The following TNRC6A variants were observed in gnomAD, a reference collection of about 807,000 sequenced individuals.
TNRC6A encodes the protein trinucleotide repeat containing adaptor 6A.
Under a neutral mutation model 221.2 loss-of-function variants are expected in TNRC6A, and 44 were observed. That is an observed-to-expected ratio of 0.20 (90% CI 0.16 to 0.26). The LOEUF is 0.26. Among genes scored for constraint, TNRC6A ranks in the 10% least tolerant of loss-of-function variants. The pLI is 1.00. For missense variants in TNRC6A, 2,199 were observed against 2,404.4 expected (o/e 0.91, Z 1.79); for synonymous variants, 847 against 838.5 (o/e 1.01, Z -0.18).
intron 2 of TNRC6A, among the ~76,000 whole-genome samples, chr16:24,716,407 G>A (rs769210519): frequency 6.6e-6 from 1 of 152,094 alleles, no homozygotes; most frequent in Non-Finnish European, 1.5e-5. Flanking sequence ...AGTGGCTCAC[G>A]CCTGGAATCC....
intron 2 of TNRC6A, among the ~76,000 whole-genome samples, chr16:24,657,450 C>T (rs369938403): frequency 1.8e-4 from 27 of 152,162 alleles, no homozygotes; most frequent in African/African-American, 5.3e-4. Flanking sequence ...CGGCTCATGC[C>T]TGTAATCCCA....
rs542077366 is a variant in TNRC6A, at chr16:24,672,201, A to G, written n.402+31192A>G. Among the ~76,000 whole-genome samples the G allele has an allele frequency of 3.3e-4, 50 of 152,196 alleles. No homozygotes were observed. The East Asian group carries it at 9.3e-3, about 28-fold the overall frequency. ...CAGTGGCGTGATCTCGGCTCACTGC[A>G]AGCTCCGCCTCCCGGGTTCACGCCA... On this transcript the variant is annotated intron_variant and non_coding_transcript_variant, in intron 2 of 2. Transcript: ENST00000566108.
chr16:24,634,040 C>A (rs555007472), intron 1 of TNRC6A, among the ~76,000 whole-genome samples: 14 of 152,226 alleles, frequency 9.2e-5, no homozygotes, highest in African/African-American at 3.1e-4. Flanking sequence ...CTTCAGCCCC[C>A]CAAAGTGCTA....
intron 22 of TNRC6A, among the ~76,000 whole-genome samples, 163 bp downstream of exon 22, chr16:24,820,523 C>G (rs1205119912): frequency 6.6e-6 from 1 of 152,228 alleles, no homozygotes; most frequent in Non-Finnish European, 1.5e-5. Context: ...AGGCACACAA[C>G]AGGCTGCAAT....
chr16:24,737,597 G>T (rs2056798603), intron 2 of TNRC6A, among the ~76,000 whole-genome samples: 3 of 152,152 alleles, frequency 2.0e-5, no homozygotes, highest in Admixed American at 1.3e-4. Flanking sequence ...ATTGAAACCT[G>T]GTTGAAGAAT....
chr16:24,813,294 A>C (rs911015674), intron 18 of TNRC6A, among the ~76,000 whole-genome samples: 2 of 152,338 alleles, frequency 1.3e-5, no homozygotes, highest in East Asian at 3.9e-4. Flanking sequence ...CCATTGCCCA[A>C]ATAGTGAACA....
intron 1 of TNRC6A, among the ~76,000 whole-genome samples, chr16:24,626,842 G>T (rs914281385): frequency 3.3e-5 from 5 of 151,314 alleles, no homozygotes; most frequent in African/African-American, 9.7e-5. Flanking sequence ...TAGTAGAGAG[G>T]GGGGTTTCAC....
intron 2 of TNRC6A, among the ~76,000 whole-genome samples, chr16:24,736,382 T>C (rs1398416066): frequency 6.6e-6 from 1 of 152,190 alleles, no homozygotes; most frequent in Non-Finnish European, 1.5e-5. Context: ...AAGTTTAACT[T>C]TACAATTCTG....
Position 24,790,808 on chromosome 16 carries a change from T to C in TNRC6A, c.2166T>C (p.Gly722=). ...DLDPRVLSNS[G]WGQTPIKQNT... is the part of the protein sequence containing the mutation. ...ATCCACGTGTCCTGTCCAACTCTGG[T>C]TGGGGACAGACTCCTATTAAGCAGA... The change falls in exon 6 of 25, where the codon GGT becomes GGC. Residue 722 remains glycine, a synonymous_variant. Transcript: ENST00000395799. The C allele has an allele frequency of 6.2e-7, 1 of 1,614,100 alleles. No homozygotes were observed. Among genetic ancestry groups the C allele is most frequent in the East Asian group, 2.2e-5 (1 of 44,880 alleles).
chr16:24,769,707 A>G, intron 4 of TNRC6A, among the ~76,000 whole-genome samples: 1 of 152,176 alleles, frequency 6.6e-6, no homozygotes, highest in East Asian at 1.9e-4. Context: ...TGATGCATTC[A>G]GCAGCATACT....
At chr16:24,617,569 T>C (rs1218983980) in intron 1 of TNRC6A, among the ~76,000 whole-genome samples, 1 of 152,238 alleles carries the variant, frequency 6.6e-6, no homozygotes, top group Non-Finnish European at 1.5e-5. Context: ...CAAACTTATA[T>C]AGCACTTACC....
chr16:24,793,352 TA>T, intron 6 of TNRC6A, 120 bp from the exon 7 acceptor site: 1 of 566,930 alleles, frequency 1.8e-6, no homozygotes, highest in Non-Finnish European at 2.8e-6. Context: ...ACAGTATCAT[TA>T]TTCAGTACAT....
intron 11 of TNRC6A, among the ~76,000 whole-genome samples, chr16:24,802,640 A>G (rs1445473147): frequency 6.6e-6 from 1 of 152,202 alleles, no homozygotes; most frequent in Non-Finnish European, 1.5e-5. Context: ...TCTAAGCAAC[A>G]TGTTTATATT....
chr16:24,769,327 C>G (rs928368008), intron 4 of TNRC6A, among the ~76,000 whole-genome samples: 1 of 152,048 alleles, frequency 6.6e-6, no homozygotes, highest in East Asian at 1.9e-4. Context: ...GGAACACAGA[C>G]TAGGAAAAGG....
intron 18 of TNRC6A, 104 bp from the exon 19 acceptor site, chr16:24,815,043 G>C: frequency 1.5e-6 from 2 of 1,300,988 alleles, no homozygotes; most frequent in Admixed American, 4.4e-5. Flanking sequence ...ACAGCCTAGA[G>C]CCCACAGATC....
intron 6 of TNRC6A, among the ~76,000 whole-genome samples, 168 bp downstream of exon 6, chr16:24,791,985 C>T (rs1019396027): frequency 2.6e-5 from 4 of 152,126 alleles, no homozygotes; most frequent in African/African-American, 9.7e-5. Flanking sequence ...CAGAACTCCA[C>T]TTTTGGCAGT....
intron 4 of TNRC6A, among the ~76,000 whole-genome samples, chr16:24,773,962 A>G (rs1280087797): frequency 6.6e-6 from 1 of 152,144 alleles, no homozygotes; most frequent in African/African-American, 2.4e-5. Flanking sequence ...TCTTTTAACA[A>G]GTGAACTTAA....
intron 2 of TNRC6A, among the ~76,000 whole-genome samples, chr16:24,661,087 T>A (rs573734111): frequency 1.3e-4 from 19 of 151,974 alleles, no homozygotes; most frequent in East Asian, 5.8e-4. Flanking sequence ...TTAAGAAAAA[T>A]TTTTTTTCAA....
intron 2 of TNRC6A, among the ~76,000 whole-genome samples, chr16:24,643,355 G>C (rs1020679006): frequency 6.6e-6 from 1 of 151,584 alleles, no homozygotes; most frequent in Admixed American, 6.6e-5. Flanking sequence ...ATTAACCCAG[G>C]TATTCATTCC....
Sources: gnomAD v4.1 joint callset for allele counts (sites outside exome capture counted in the v4.1 genomes callset) on GRCh38, gnomAD v4.1.1 for gene constraint, MANE v1.5 for transcripts, NCBI Gene and HGNC (gene_info 2026-07-23, HGNC 2026-07-21) for gene names.